RNF145: variants seen among roughly 807,000 people sequenced by gnomAD.
RNF145 encodes ring finger protein 145.
A neutral mutation model predicts 57.3 loss-of-function variants in RNF145; 12 were observed. The ratio of observed to expected loss-of-function variants is 0.21; its 90% CI spans 0.13 to 0.34. The LOEUF (loss-of-function observed/expected upper bound fraction) is 0.34. Among genes scored for constraint, RNF145 ranks in the 10% least tolerant of loss-of-function variants. The pLI is 1.00. For missense variants in RNF145, 429 were observed against 799.0 expected (o/e 0.54, Z 5.58); for synonymous variants, 262 against 288.3 (o/e 0.91, Z 0.92).
intron 2 of RNF145, among the ~76,000 whole-genome samples, chr5:159,201,278 A>G (rs1164287448): frequency 6.6e-6 from 1 of 152,196 alleles, no homozygotes; most frequent in Non-Finnish European, 1.5e-5. Flanking sequence ...TCCTGGAACC[A>G]ACTTCCAGCA....
chr5:159,209,134 G>C (rs1329819927), intron 1 of RNF145, 97 bp downstream of exon 1: 1 of 317,248 alleles, frequency 3.2e-6, no homozygotes, highest in Admixed American at 7.1e-5. Context: ...GGGAGAAGAG[G>C]AAGGAGCCTG....
At chr5:159,162,161 G>A (rs1396808371) in intron 9 of RNF145, among the ~76,000 whole-genome samples, 3 of 152,144 alleles carry the variant, frequency 2.0e-5, no homozygotes, top group Non-Finnish European at 4.4e-5. Context: ...CATGTATCAT[G>A]TCTGTATGTG....
intron 1 of RNF145, 88 bp downstream of exon 1, chr5:159,209,143 T>A: frequency 2.7e-6 from 1 of 371,912 alleles, no homozygotes; most frequent in Non-Finnish European, 3.5e-6. Context: ...GGAAGGAGCC[T>A]GCGACGCGAT....
At chr5:159,162,823 C>T in intron 9 of RNF145, 109 bp downstream of exon 9, 2 of 775,508 alleles carry the variant, frequency 2.6e-6, no homozygotes, top group South Asian at 2.0e-5. Context: ...GAAGTTATCA[C>T]CTGAATAGTC....
In RNF145 at chr5:159,162,024, C is replaced by CA. The variant is rs1424027016; in HGVS notation, c.1270-403dup. Among the ~76,000 whole-genome samples, 5 of 152,086 alleles carry CA rather than the reference C, an allele frequency of 3.3e-5. No individual in the cohort carries two copies. The South Asian group carries it at 6.2e-4, about 19-fold the overall frequency. On this transcript the variant is annotated intron_variant, in intron 9 of 10. Coordinates refer to ENST00000424310, the MANE Select transcript of RNF145 (RefSeq NM_001199383.2). ...AACTCGCAAAGAAGTTTTACTTCTG[C>CA]AAAAAAATAATGAATAACTCTTCAC...
chr5:159,199,405 AC>A, intron 2 of RNF145, among the ~76,000 whole-genome samples: 1 of 147,316 alleles, frequency 6.8e-6, no homozygotes, highest in South Asian at 2.1e-4. Flanking sequence ...AAAAAAAAAC[AC>A]TTTCAAGAAA....
chr5:159,168,898 A>G lies in RNF145; in HGVS notation c.1096T>C (p.Leu366=). The change falls in exon 8 of 11, where the codon TTG becomes CTG. Residue 366 remains leucine, a synonymous_variant. Coordinates refer to ENST00000424310, the MANE Select transcript of RNF145 (RefSeq NM_001199383.2). The part of the protein sequence containing the change: ...SMLEIADPIV[L]ALGASRDKSL... ...TTGTCTCTAGATGCTCCCAGTGCCA[A>G]AACAATAGGATCTGCAATTTCTAAC... 3 of 1,573,570 alleles carry G rather than the reference A, an allele frequency of 1.9e-6. No homozygotes were observed. The highest frequency in any genetic ancestry group is 2.6e-6 in the Non-Finnish European group (3 of 1,165,334).
intron 10 of RNF145, 46 bp from the exon 11 acceptor site, chr5:159,159,081 G>A: frequency 1.3e-6 from 2 of 1,542,828 alleles, no homozygotes; most frequent in Non-Finnish European, 1.8e-6. Context: ...CTGTTTTCTA[G>A]TATCTTTGGT....
In RNF145 at chr5:159,201,346, C is replaced by T. The variant is rs377281998; in HGVS notation, c.184+2088G>A. Among the ~76,000 whole-genome samples, 14 of 152,210 alleles carry T rather than the reference C, an allele frequency of 9.2e-5. No individual in the cohort carries two copies. The East Asian group carries it at 1.9e-3, about 21-fold the overall frequency. ...GCAACTTCGCTTCTAGTAACTTAGC[C>T]CCAGGTTATATTTGTACTTGTTGAA... is the stretch of plus-strand genomic sequence containing the variant. On this transcript the variant is annotated intron_variant, in intron 2 of 10. Transcript: ENST00000424310.
At chr5:159,193,411 A>C (rs997202014) in intron 3 of RNF145, among the ~76,000 whole-genome samples, 5 of 152,232 alleles carry the variant, frequency 3.3e-5, no homozygotes, top group Non-Finnish European at 7.3e-5. Context: ...AGGAAAATGC[A>C]AGAAGAGTAA....
intron 1 of RNF145, 152 bp from the exon 2 acceptor site, chr5:159,203,808 T>A: frequency 1.6e-6 from 1 of 606,734 alleles, no homozygotes; most frequent in East Asian, 2.7e-5. Flanking sequence ...TTTTTAGATA[T>A]TCATAAAATA....
intron 3 of RNF145, among the ~76,000 whole-genome samples, chr5:159,187,753 C>CAA (rs1785130275): frequency 6.6e-6 from 1 of 152,140 alleles, no homozygotes; most frequent in South Asian, 2.1e-4. Flanking sequence ...AGTGGGTAGA[C>CAA]AGAGTGTTGT....
intron 3 of RNF145, among the ~76,000 whole-genome samples, chr5:159,187,738 G>A (rs908513977): frequency 1.3e-5 from 2 of 152,098 alleles, no homozygotes; most frequent in Non-Finnish European, 2.9e-5. Flanking sequence ...GTATCACTGG[G>A]GTCTAGTGGG....
chr5:159,169,388 A>T (rs1375936651), intron 7 of RNF145, among the ~76,000 whole-genome samples: 1 of 152,234 alleles, frequency 6.6e-6, no homozygotes, highest in Non-Finnish European at 1.5e-5. Flanking sequence ...AGATTTTAAC[A>T]GGGCTAAACT....
intron 5 of RNF145, among the ~76,000 whole-genome samples, chr5:159,174,519 T>C (rs1468809974): frequency 1.3e-5 from 2 of 152,118 alleles, no homozygotes; most frequent in African/African-American, 4.8e-5. Context: ...CTAGCATGAA[T>C]TGATACAACA....
intron 6 of RNF145, among the ~76,000 whole-genome samples, chr5:159,170,472 C>T (rs1056415526): frequency 6.6e-6 from 1 of 152,190 alleles, no homozygotes; most frequent in African/African-American, 2.4e-5. Context: ...AACTGGAAGA[C>T]ATTACACTAG....
In RNF145 at chr5:159,161,261, G is replaced by A. The variant is rs373268750; in HGVS notation, c.1626+5C>T. ...ACCCAAACACATTCTTATTGAAGGA[G>A]TTACCTGATAACAGATGGCACAAAT... is the stretch of plus-strand genomic sequence containing the variant. On this transcript the variant is annotated splice_donor_5th_base_variant and intron_variant, in intron 10 of 10. Coordinates refer to ENST00000424310, the MANE Select transcript of RNF145 (RefSeq NM_001199383.2). 209 of 1,570,820 alleles carry A rather than the reference G, an allele frequency of 1.3e-4. 1 individual carries two copies. The highest frequency in any genetic ancestry group is 1.8e-4 in the Non-Finnish European group (201 of 1,145,232).
At chr5:159,204,477 G>A (rs1292380930) in intron 1 of RNF145, among the ~76,000 whole-genome samples, 1 of 151,978 alleles carries the variant, frequency 6.6e-6, no homozygotes, top group Non-Finnish European at 1.5e-5. Flanking sequence ...TGCTTTATAT[G>A]GTAGAACTTC....
intron 1 of RNF145, among the ~76,000 whole-genome samples, chr5:159,203,918 C>T (rs976404729): frequency 1.3e-5 from 2 of 152,204 alleles, no homozygotes; most frequent in Non-Finnish European, 2.9e-5. Flanking sequence ...TAAAAGGCCA[C>T]TAACTCCAAA....
Sources: gnomAD v4.1 joint callset for allele counts (sites outside exome capture counted in the v4.1 genomes callset) on GRCh38, gnomAD v4.1.1 for gene constraint, MANE v1.5 for transcripts, NCBI Gene and HGNC (gene_info 2026-07-23, HGNC 2026-07-21) for gene names.